MYO10: variants seen among roughly 807,000 people sequenced by gnomAD.
MYO10 encodes the protein unconventional myosin-X.
MYO10 carries 133 observed loss-of-function variants against 257.3 expected under a neutral mutation model. The ratio of observed to expected loss-of-function variants is 0.52; its 90% CI spans 0.45 to 0.60. MYO10 has a LOEUF of 0.60. MYO10 is among the 20% of genes least tolerant of loss of function. The pLI, the probability that MYO10 is intolerant of heterozygous loss-of-function variation, is 0.00. For synonymous variants in MYO10, 1,104 were observed against 1,028.6 expected (o/e 1.07, Z -1.40); for missense variants, 2,399 against 2,635.7 (o/e 0.91, Z 1.97).
At chr5:16,892,996 C>A (rs1324723647) in intron 1 of MYO10, among the ~76,000 whole-genome samples, 1 of 151,850 alleles carries the variant, frequency 6.6e-6, no homozygotes, top group Non-Finnish European at 1.5e-5. Flanking sequence ...GAGATCAAGA[C>A]CATCCTGGCT....
At chr5:16,732,099 T>C (rs1739607829) in intron 19 of MYO10, among the ~76,000 whole-genome samples, 1 of 152,190 alleles carries the variant, frequency 6.6e-6, no homozygotes, top group Admixed American at 6.5e-5. Context: ...GAACATTTCA[T>C]ATTTTGAGTA....
At chr5:16,874,426 C>T (rs931938244) in intron 2 of MYO10, among the ~76,000 whole-genome samples, 6 of 137,196 alleles carry the variant, frequency 4.4e-5, no homozygotes, top group African/African-American at 1.6e-4. Flanking sequence ...CCTTATAAAA[C>T]TGAATGCCTT....
At chr5:16,831,416 G>C (rs1183904807) in intron 2 of MYO10, among the ~76,000 whole-genome samples, 1 of 150,756 alleles carries the variant, frequency 6.6e-6, no homozygotes, top group Non-Finnish European at 1.5e-5. Flanking sequence ...AGATACTTGC[G>C]CACGCACGTT....
Position 16,909,961 on chromosome 5 carries a change from G to C in MYO10, c.21+25827C>G, listed in dbSNP as rs542449101. Reference sequence around the variant, plus strand: ...GAGACTCCTCTTTGGCTTTTGCTCTGAGTGGAAGCTTCCTGAGGCCTCACC... The same window carrying C: ...GAGACTCCTCTTTGGCTTTTGCTCTCAGTGGAAGCTTCCTGAGGCCTCACC... On this transcript the variant is annotated intron_variant, in intron 1 of 40. Transcript: ENST00000513610. 2.6e-5 allele frequency among the ~76,000 whole-genome samples: 4 copies of C among 152,262 alleles called. No individual in the cohort carries two copies. The South Asian group carries it at 8.3e-4, about 32-fold the overall frequency.
intron 27 of MYO10, among the ~76,000 whole-genome samples, chr5:16,691,715 A>T (rs1273976590): frequency 1.4e-5 from 2 of 144,098 alleles, no homozygotes; most frequent in African/African-American, 5.0e-5. Context: ...AAAAAAAAAA[A>T]TCAAGATCAG....
At chr5:16,735,488 T>C (rs1228292918) in intron 19 of MYO10, among the ~76,000 whole-genome samples, 1 of 152,042 alleles carries the variant, frequency 6.6e-6, no homozygotes, top group East Asian at 1.9e-4. Flanking sequence ...AAGGATTGCT[T>C]GAGCCCAGGA....
chr5:16,816,257 T>C (rs1742604379), intron 3 of MYO10, among the ~76,000 whole-genome samples: 1 of 149,396 alleles, frequency 6.7e-6, no homozygotes, highest in Non-Finnish European at 1.5e-5. Context: ...GAGAATCACT[T>C]GAACCCAGGA....
chr5:16,788,909 C>T (rs962159367), intron 4 of MYO10, among the ~76,000 whole-genome samples: 2 of 151,996 alleles, frequency 1.3e-5, no homozygotes, highest in Non-Finnish European at 2.9e-5. Context: ...GTCAACAATC[C>T]AGTTGAGAGA....
At chr5:16,909,893 C>G (rs1745615796) in intron 1 of MYO10, among the ~76,000 whole-genome samples, 1 of 152,056 alleles carries the variant, frequency 6.6e-6, no homozygotes, top group African/African-American at 2.4e-5. Context: ...CTGGCACTCT[C>G]CCCTCTCTAT....
chr5:16,673,658 C>A (rs778936888), intron 36 of MYO10, 24 bp downstream of exon 36: 3 of 1,603,034 alleles, frequency 1.9e-6, no homozygotes, highest in South Asian at 2.2e-5. Flanking sequence ...TCTAACAGAA[C>A]AAGCAGCAGC....
rs1350601480 is a variant in MYO10 at position 16,673,923 on chromosome 5, C to CTGA, written c.4965-37_4965-35dup. The CTGA allele has an allele frequency of 5.0e-6, 8 of 1,593,352 alleles. No homozygotes were observed. In the Admixed American group the frequency reaches 1.0e-4, roughly 20 times the overall value. On this transcript the variant is annotated intron_variant, in intron 35 of 40. Coordinates refer to ENST00000513610, the MANE Select transcript of MYO10 (RefSeq NM_012334.3). Reference sequence around the variant, plus strand: ...CAAACACTAACTGTTAATTTTTAGACTGATGGGGGCTGGCTGCTGGGAGGA... The same window carrying CTGA: ...CAAACACTAACTGTTAATTTTTAGACTGATGATGGGGGCTGGCTGCTGGGAGGA...
At chr5:16,779,272 G>C (rs1197502636) in intron 9 of MYO10, among the ~76,000 whole-genome samples, 1 of 152,086 alleles carries the variant, frequency 6.6e-6, no homozygotes, top group African/African-American at 2.4e-5. Context: ...TACACTTTCT[G>C]AACACACTGT....
At chr5:16,919,508 A>G (rs993916009) in intron 1 of MYO10, among the ~76,000 whole-genome samples, 8 of 152,232 alleles carry the variant, frequency 5.3e-5, no homozygotes, top group East Asian at 1.9e-4. Flanking sequence ...GAACTTGAGC[A>G]GACTACCTCC....
At chr5:16,826,704 T>G (rs1373369234) in intron 2 of MYO10, among the ~76,000 whole-genome samples, 1 of 152,208 alleles carries the variant, frequency 6.6e-6, no homozygotes, top group Non-Finnish European at 1.5e-5. Context: ...TTTTAATCCC[T>G]TTGCACGAAG....
At chr5:16,721,879 C>T (rs150790517) in intron 19 of MYO10, among the ~76,000 whole-genome samples, 1 of 152,178 alleles carries the variant, frequency 6.6e-6, no homozygotes, top group South Asian at 2.1e-4. Context: ...GCCCTGTTCA[C>T]ACAGAGCCAG....
chr5:16,898,219 C>T (rs537780224), intron 1 of MYO10, among the ~76,000 whole-genome samples: 2 of 151,126 alleles, frequency 1.3e-5, no homozygotes, highest in African/African-American at 4.9e-5. Context: ...ATAAGGCAAG[C>T]CACATATGTA....
At position 16,670,812 on chromosome 5, in the gene MYO10, T is replaced by C. The variant is rs750823173; in HGVS notation, c.5597A>G (p.Gln1866Arg). The stretch of plus-strand genomic sequence containing the variant: ...ACAAGGGGTGAAGGTTTTGGTTGAC[T>C]GGCTGATGCGGGCCTTGAGTCTCTG... Reference protein sequence around the residue: ...SLQRLKARISQSTKTFTPCER... With the variant: ...SLQRLKARISRSTKTFTPCER... Residue 1866 changes from glutamine to arginine, a missense_variant, in exon 39 of 41, where the codon CAG (glutamine) becomes CGG (arginine). Physicochemically the swap from Gln to Arg is conservative, Grantham distance 43. This residue lies in a region of MYO10 where 1,820 missense variants were observed against 1,939.4 expected (regional missense o/e 0.94). Transcript: ENST00000513610. 1.9e-6 allele frequency: 3 copies of C among 1,614,038 alleles called. No homozygotes were observed. The highest frequency in any genetic ancestry group is 1.1e-5 in the South Asian group (1 of 91,088).
intron 19 of MYO10, among the ~76,000 whole-genome samples, chr5:16,716,458 T>C (rs1738876652): frequency 7.7e-6 from 1 of 129,588 alleles, no homozygotes; most frequent in Admixed American, 7.9e-5. Context: ...CCAATTGCCC[T>C]GAACATTACC....
intron 3 of MYO10, among the ~76,000 whole-genome samples, chr5:16,807,436 A>T (rs187375293): frequency 6.6e-6 from 1 of 152,090 alleles, no homozygotes; most frequent in East Asian, 1.9e-4. Context: ...TCACACAGTA[A>T]CCCCTCCTAA....
Sources: gnomAD v4.1 joint callset for allele counts (sites outside exome capture counted in the v4.1 genomes callset) on GRCh38, gnomAD v4.1.1 for gene constraint, gnomAD v4.1.1 regional missense constraint, MANE v1.5 for transcripts, NCBI Gene and HGNC (gene_info 2026-07-23, HGNC 2026-07-21) for gene names.